The following NPAS3 variants were observed in gnomAD, a reference collection of about 807,000 sequenced individuals.
NPAS3 encodes neuronal PAS domain protein 3.
A neutral mutation model predicts 73.1 loss-of-function variants in NPAS3; 14 were observed. The observed-to-expected ratio is 0.19, with a 90% CI of 0.13 to 0.30. The LOEUF (loss-of-function observed/expected upper bound fraction) is 0.30, where lower values mean the gene tolerates loss of function less well. Among genes scored for constraint, NPAS3 ranks in the 10% least tolerant of loss-of-function variants. The probability of loss-of-function intolerance (pLI) is 1.00; values close to 1 mark genes in which losing one functional copy is unlikely to be tolerated. For missense variants in NPAS3, 1,096 were observed against 1,250.0 expected (o/e 0.88, Z 1.86); for synonymous variants, 620 against 541.5 (o/e 1.14, Z -2.01).
intron 4 of NPAS3, among the ~76,000 whole-genome samples, chr14:33,531,867 G>C (rs1013227240): frequency 2.6e-5 from 4 of 151,980 alleles, no homozygotes; most frequent in Non-Finnish European, 5.9e-5. Flanking sequence ...TAGCCATTCT[G>C]ATAGGTGTGT....
intron 1 of NPAS3, among the ~76,000 whole-genome samples, chr14:32,981,714 C>G (rs186336768): frequency 2.0e-5 from 3 of 152,114 alleles, no homozygotes; most frequent in Non-Finnish European, 4.4e-5. Context: ...AGTTTTCTTA[C>G]GGCAGCACAA....
intron 3 of NPAS3, among the ~76,000 whole-genome samples, chr14:33,357,981 C>G (rs984036423): frequency 3.8e-4 from 58 of 152,290 alleles, no homozygotes; most frequent in African/African-American, 1.3e-3. Context: ...TCCAGAACCC[C>G]AATCCTTTAG....
chr14:33,028,001 A>G (rs1412190308), intron 1 of NPAS3, among the ~76,000 whole-genome samples: 1 of 152,210 alleles, frequency 6.6e-6, no homozygotes, highest in Non-Finnish European at 1.5e-5. Context: ...AAACTCATAT[A>G]ACCTGGGCTA....
intron 1 of NPAS3, among the ~76,000 whole-genome samples, chr14:32,997,161 C>A (rs1321876320): frequency 2.0e-5 from 3 of 152,120 alleles, no homozygotes; most frequent in African/African-American, 7.2e-5. Flanking sequence ...GGCCTGTAGC[C>A]CCTTTGTTTT....
At chr14:33,057,231 G>A (rs561022637) in intron 2 of NPAS3, among the ~76,000 whole-genome samples, 17 of 152,042 alleles carry the variant, frequency 1.1e-4, no homozygotes, top group Non-Finnish European at 2.4e-4. Flanking sequence ...TTTATTTATT[G>A]ATATTTCACT....
chr14:33,727,171 C>T lies in NPAS3; in HGVS notation c.734-8043C>T, dbSNP rs566358483. On this transcript the variant is annotated intron_variant, in intron 6 of 11. Coordinates refer to ENST00000356141, the Ensembl canonical transcript of NPAS3. The stretch of plus-strand genomic sequence containing the variant: ...CAGAATGTTAAAAAAATAAACATGG[C>T]GGTTCAGCTGGATACTGGCAACCAG... Among the ~76,000 whole-genome samples the T allele has an allele frequency of 4.7e-5, 7 of 150,060 alleles. No homozygotes were observed. In the South Asian group the frequency reaches 6.4e-4, roughly 14 times the overall value.
intron 4 of NPAS3, among the ~76,000 whole-genome samples, chr14:33,371,268 G>T (rs561980654): frequency 6.6e-6 from 1 of 152,276 alleles, no homozygotes; most frequent in Admixed American, 6.5e-5. Context: ...AACAGTCGCT[G>T]TGCGGAGTAA....
intron 2 of NPAS3, among the ~76,000 whole-genome samples, chr14:33,147,822 C>G (rs2044301474): frequency 6.8e-6 from 1 of 147,136 alleles, no homozygotes; most frequent in Non-Finnish European, 1.5e-5. Flanking sequence ...TTAGAAGATG[C>G]CAGGCAATTA....
intron 6 of NPAS3, among the ~76,000 whole-genome samples, chr14:33,677,316 C>G (rs2059797402): frequency 6.6e-6 from 1 of 152,040 alleles, no homozygotes; most frequent in South Asian, 2.1e-4. Flanking sequence ...CTTGGCCAAG[C>G]AGCAGTGGTT....
chr14:33,139,910 G>C (rs1487099399), intron 2 of NPAS3, among the ~76,000 whole-genome samples: 1 of 151,172 alleles, frequency 6.6e-6, no homozygotes, highest in Non-Finnish European at 1.5e-5. Context: ...TCCACTTCTT[G>C]GCCTTCCAGT....
At chr14:33,396,188 T>C (rs779025409) in intron 4 of NPAS3, among the ~76,000 whole-genome samples, 1 of 152,182 alleles carries the variant, frequency 6.6e-6, no homozygotes, top group Non-Finnish European at 1.5e-5. Flanking sequence ...GCAATATCTA[T>C]AATGAAGGCT....
chr14:33,238,284 T>C (rs1331502126), intron 3 of NPAS3, among the ~76,000 whole-genome samples: 1 of 152,060 alleles, frequency 6.6e-6, no homozygotes, highest in Non-Finnish European at 1.5e-5. Flanking sequence ...TAATGAATTC[T>C]GTTAATATGC....
rs187275162 is a variant in NPAS3 at position 33,575,875 on chromosome 14, C to T, written c.558+15665C>T. Among the ~76,000 whole-genome samples the T allele has an allele frequency of 7.3e-3, 1,111 of 152,074 alleles. 14 individuals are homozygous for T. Among genetic ancestry groups the T allele is most frequent in the African/African-American group, 0.025 (1,055 of 41,480 alleles). ...AAGAATGTGTATCAATACTGCTTTTCGTTTCCTGAGAAAGAGAAAATGGAA... is the reference window on the plus strand; with the variant it reads ...AAGAATGTGTATCAATACTGCTTTTTGTTTCCTGAGAAAGAGAAAATGGAA... On this transcript the variant is annotated intron_variant, in intron 5 of 11. Transcript: ENST00000356141.
At chr14:33,207,436 G>A (rs905774748) in intron 2 of NPAS3, among the ~76,000 whole-genome samples, 1 of 152,084 alleles carries the variant, frequency 6.6e-6, no homozygotes, top group African/African-American at 2.4e-5. Flanking sequence ...TAATGTACAG[G>A]ACAGATAAAT....
At chr14:33,287,839 G>A (rs543513638) in intron 3 of NPAS3, among the ~76,000 whole-genome samples, 2 of 152,266 alleles carry the variant, frequency 1.3e-5, no homozygotes, top group Admixed American at 6.5e-5. Context: ...TAGAACCATC[G>A]TTCCTGGAAT....
chr14:33,299,174 T>C (rs141531512), intron 3 of NPAS3, among the ~76,000 whole-genome samples: 2 of 152,304 alleles, frequency 1.3e-5, no homozygotes, highest in Non-Finnish European at 2.9e-5. Context: ...TTTGGCCACG[T>C]AGTGTTCAAA....
chr14:33,668,833 T>C (rs746582814), intron 5 of NPAS3, among the ~76,000 whole-genome samples: 3 of 152,046 alleles, frequency 2.0e-5, no homozygotes, highest in Non-Finnish European at 2.9e-5. Flanking sequence ...TAAAATAAAA[T>C]GGCTGTTTAG....
intron 6 of NPAS3, among the ~76,000 whole-genome samples, chr14:33,681,969 T>G (rs2059951846): frequency 6.6e-6 from 1 of 152,214 alleles, no homozygotes; most frequent in African/African-American, 2.4e-5. Flanking sequence ...TAACTTAACA[T>G]AGAAATGGAA....
At chr14:33,389,048 A>T (rs1488277226) in intron 4 of NPAS3, among the ~76,000 whole-genome samples, 1 of 149,322 alleles carries the variant, frequency 6.7e-6, no homozygotes, top group Admixed American at 6.6e-5. Context: ...CAGAGGCAAT[A>T]AAAGGCACTG....
Sources: allele counts gnomAD v4.1 joint callset (sites outside exome capture counted in the v4.1 genomes callset), GRCh38; gene constraint gnomAD v4.1.1; transcripts MANE v1.5; gene names NCBI Gene and HGNC (gene_info 2026-07-23, HGNC 2026-07-21).